Variants in ZCCHC4 observed in about 807,000 individuals in gnomAD.
ZCCHC4 encodes the protein rRNA N(6)-adenosine-methyltransferase ZCCHC4.
Under a neutral mutation model 67.7 loss-of-function variants are expected in ZCCHC4, and 54 were observed. The observed-to-expected ratio is 0.80, with a 90% CI of 0.64 to 1.00. The LOEUF (loss-of-function observed/expected upper bound fraction) is 1.00. Among genes scored for constraint, ZCCHC4 ranks in the 50% least tolerant of loss-of-function variants. The probability of loss-of-function intolerance (pLI) is 0.00; values close to 1 mark genes in which losing one functional copy is unlikely to be tolerated. For synonymous variants in ZCCHC4, 198 were observed against 213.5 expected, an observed-to-expected ratio of 0.93 and a Z score of 0.63; for missense variants, 609 against 617.0, an observed-to-expected ratio of 0.99 and a Z score of 0.14.
At chr4:25,330,372 A>G (rs576593473) in intron 3 of ZCCHC4, among the ~76,000 whole-genome samples, 50 of 152,170 alleles carry the variant, frequency 3.3e-4, no homozygotes, top group Middle Eastern at 6.8e-3. Context: ...TACTAGTAGT[A>G]TGGGATTTAC....
intron 4 of ZCCHC4, 50 bp downstream of exon 4, chr4:25,333,508 T>C (rs1719295141): frequency 8.2e-6 from 13 of 1,580,226 alleles, no homozygotes; most frequent in Non-Finnish European, 1.1e-5. Context: ...CTATTGAAAC[T>C]GTATGAAGAT....
chr4:25,352,174 G>C, intron 8 of ZCCHC4: 2 of 985,652 alleles, frequency 2.0e-6, no homozygotes, highest in Non-Finnish European at 2.4e-6. Flanking sequence ...AGGCAGAGAT[G>C]GCTCTGTGTG....
At chr4:25,347,705 A>C (rs1447654614) in intron 6 of ZCCHC4, among the ~76,000 whole-genome samples, 1 of 152,134 alleles carries the variant, frequency 6.6e-6, no homozygotes, top group Non-Finnish European at 1.5e-5. Context: ...CTGCTAGTGC[A>C]CCTCAGCACT....
At chr4:25,324,798 T>C (rs541187778) in intron 3 of ZCCHC4, among the ~76,000 whole-genome samples, 1 of 152,340 alleles carries the variant, frequency 6.6e-6, no homozygotes, top group East Asian at 1.9e-4. Context: ...ACATGGAACA[T>C]CTTTTTATGT....
chr4:25,336,250 T>A (rs1719451970), intron 5 of ZCCHC4, among the ~76,000 whole-genome samples: 1 of 152,214 alleles, frequency 6.6e-6, no homozygotes, highest in South Asian at 2.1e-4. Context: ...ATGACCTTTG[T>A]GGCTGGCTTC....
intron 5 of ZCCHC4, among the ~76,000 whole-genome samples, chr4:25,337,954 T>C (rs1719540792): frequency 1.3e-5 from 2 of 152,222 alleles, no homozygotes; most frequent in Non-Finnish European, 2.9e-5. Flanking sequence ...GTTTACTTTG[T>C]TTTTAAAAAA....
chr4:25,364,069 G>A (rs1432044578), intron 10 of ZCCHC4, among the ~76,000 whole-genome samples: 2 of 152,148 alleles, frequency 1.3e-5, no homozygotes, highest in Admixed American at 6.6e-5. Context: ...TCTAAATTAT[G>A]TAAAGTTCTC....
At chr4:25,342,710 T>C (rs538552835) in intron 5 of ZCCHC4, among the ~76,000 whole-genome samples, 19 of 152,308 alleles carry the variant, frequency 1.2e-4, no homozygotes, top group African/African-American at 4.6e-4. Context: ...TGATTGGTTT[T>C]GTTTGCCTTA....
In ZCCHC4 at chr4:25,333,318, A is replaced by G; in HGVS notation, c.465A>G (p.Arg155=). 1 of 1,614,130 alleles carries G rather than the reference A, an allele frequency of 6.2e-7. No homozygotes were observed. The highest frequency in any genetic ancestry group is 8.5e-7 in the Non-Finnish European group (1 of 1,180,014). Residue 155 remains arginine (R), a synonymous_variant, in exon 4 of 13, where the codon AGA becomes AGG. Transcript: ENST00000302874. ...VLGNVSITQL[R]RPSQLLYPLE... is the part of the protein sequence containing the mutation. ...GTAATGTGTCCATTACCCAGTTAAG[A>G]AGGCCCAGTCAACTCCTTTATCCAC... is the stretch of plus-strand genomic sequence containing the variant.
chr4:25,364,964 A>G lies in ZCCHC4; in HGVS notation c.1262-58A>G, dbSNP rs56011291. ...TTCGTATATCCTACCTTAAAAGTTA[A>G]TAAGATGAAAAATTACGTTACATGA... On this transcript the variant is annotated intron_variant, in intron 11 of 12. Transcript: ENST00000302874. 3,228 of 1,605,562 alleles carry G rather than the reference A, an allele frequency of 2.0e-3. 2 individuals carry two copies. The highest frequency in any genetic ancestry group is 2.6e-3 in the Non-Finnish European group (3,039 of 1,175,292).
At chr4:25,320,829 A>G (rs1171816478) in intron 3 of ZCCHC4, among the ~76,000 whole-genome samples, 3 of 152,256 alleles carry the variant, frequency 2.0e-5, no homozygotes, top group African/African-American at 7.2e-5. Flanking sequence ...GTTAATTGAC[A>G]AGGCACAAAG....
intron 3 of ZCCHC4, among the ~76,000 whole-genome samples, chr4:25,324,828 ATTATC>A (rs1718775536): frequency 6.6e-6 from 1 of 152,058 alleles, no homozygotes; most frequent in South Asian, 2.1e-4. Context: ...CTGTTTTTGT[ATTATC>A]TTTGGAGAAA....
rs191286251 is a variant in ZCCHC4 at position 25,328,088 on chromosome 4, G to A, written c.330-5095G>A. ...TGGTTTTGGTATTGGGATAATGGTG[G>A]CCTCATGAAATGAATTGGTAAGTGT... On this transcript the variant is annotated intron_variant, in intron 3 of 12. Transcript: ENST00000302874. Among the ~76,000 whole-genome samples the A allele has an allele frequency of 2.7e-4, 41 of 152,196 alleles. No homozygotes were observed. In the East Asian group the frequency reaches 7.3e-3, roughly 27 times the overall value.
At chr4:25,361,063 C>G (rs1720714769) in intron 8 of ZCCHC4, among the ~76,000 whole-genome samples, 1 of 152,180 alleles carries the variant, frequency 6.6e-6, no homozygotes, top group African/African-American at 2.4e-5. Context: ...TGGTCACCAG[C>G]CCCTGGGGGC....
In ZCCHC4 at chr4:25,348,406, A is replaced by G. The variant is rs1417009072; in HGVS notation, c.760-1086A>G. Among the ~76,000 whole-genome samples, 8 of 152,238 alleles carry G rather than the reference A, an allele frequency of 5.3e-5. No homozygotes were observed. The East Asian group carries it at 1.3e-3, about 26-fold the overall frequency. On this transcript the variant is annotated intron_variant, in intron 6 of 12. Transcript: ENST00000302874. ...GTCATTTTGTATACTGTGTTGACTT[A>G]TTTTTGTAGATGAGTACAGTCAGCT...
intron 3 of ZCCHC4, among the ~76,000 whole-genome samples, chr4:25,318,656 A>G (rs1327984925): frequency 6.6e-6 from 1 of 152,006 alleles, no homozygotes; most frequent in African/African-American, 2.4e-5. Flanking sequence ...TGCCAGGCCT[A>G]AACCACTGTT....
At chr4:25,335,826 G>A (rs754649772) in intron 5 of ZCCHC4, among the ~76,000 whole-genome samples, 4 of 152,118 alleles carry the variant, frequency 2.6e-5, no homozygotes, top group Non-Finnish European at 4.4e-5. Flanking sequence ...TCAACTCTAA[G>A]TTGTCTGACA....
At chr4:25,354,661 T>C (rs1036706210) in intron 8 of ZCCHC4, among the ~76,000 whole-genome samples, 6 of 152,152 alleles carry the variant, frequency 3.9e-5, no homozygotes, top group Non-Finnish European at 8.8e-5. Context: ...TTTAACTTCA[T>C]TAAAATTTTT....
chr4:25,321,590 C>T (rs1445473422), intron 3 of ZCCHC4, among the ~76,000 whole-genome samples: 1 of 152,190 alleles, frequency 6.6e-6, no homozygotes, highest in Admixed American at 6.5e-5. Context: ...CCAGGCTGGT[C>T]TTGAACTCCT....
Sources: allele counts gnomAD v4.1 joint callset (sites outside exome capture counted in the v4.1 genomes callset), GRCh38; gene constraint gnomAD v4.1.1; transcripts MANE v1.5; gene names NCBI Gene and HGNC (gene_info 2026-07-23, HGNC 2026-07-21).